The following PCGF6 variants were observed in gnomAD, a reference collection of about 807,000 sequenced individuals.
The protein encoded by PCGF6 is polycomb group ring finger 6, also known as polycomb group RING finger protein 6.
In PCGF6, 24 loss-of-function variants were observed where a neutral mutation model predicts 45.5. The observed-to-expected ratio is 0.53, with a 90% CI of 0.38 to 0.74. The LOEUF (loss-of-function observed/expected upper bound fraction) is 0.74, where lower values mean the gene tolerates loss of function less well. Among genes scored for constraint, PCGF6 ranks in the 30% least tolerant of loss-of-function variants. The probability of loss-of-function intolerance (pLI) is 0.00; values close to 1 mark genes in which losing one functional copy is unlikely to be tolerated. For missense variants in PCGF6, 356 were observed against 443.2 expected (o/e 0.80, Z 1.77); for synonymous variants, 152 against 162.1 (o/e 0.94, Z 0.47).
At chr10:103,344,449 T>G (rs2093292186) in intron 6 of PCGF6, among the ~76,000 whole-genome samples, 1 of 151,264 alleles carries the variant, frequency 6.6e-6, no homozygotes, top group Non-Finnish European at 1.5e-5. Context: ...TTTTTGTATT[T>G]TTAGTAGACA....
rs187545384 is a variant in PCGF6 at position 103,348,890 on chromosome 10, G to A, written c.460+10C>T. 1 of 1,606,354 alleles carries A rather than the reference G, an allele frequency of 6.2e-7. No homozygotes were observed. The highest frequency in any genetic ancestry group is 2.2e-5 in the East Asian group (1 of 44,836). ...GAAAAATTATTCAGAAATGTGATCG[G>A]TATGCTTACAGGTATGAAGACATTC... is the stretch of plus-strand genomic sequence containing the variant. On this transcript the variant is annotated intron_variant, in intron 2 of 9. Coordinates refer to ENST00000369847, the MANE Select transcript of PCGF6 (RefSeq NM_001011663.2).
Position 103,351,136 on chromosome 10 carries a change from C to G in PCGF6, c.-70G>C. ...GGAGTTCGGCCGGCCTCGGACGCCA[C>G]CACTGCGCAGGCGCGGCAGCCTGAG... On this transcript the variant is annotated 5_prime_UTR_variant, in exon 1 of 10. Coordinates refer to ENST00000369847, the MANE Select transcript of PCGF6 (RefSeq NM_001011663.2). The G allele has an allele frequency of 2.3e-6, 3 of 1,308,814 alleles. No homozygotes were observed. Among genetic ancestry groups the G allele is most frequent in the African/African-American group, 1.5e-5 (1 of 66,166 alleles). 81.1% of individuals were successfully genotyped at this position (1,308,814 alleles called of 1,614,324 possible).
chr10:103,339,996 T>C (rs2093274170), intron 6 of PCGF6, among the ~76,000 whole-genome samples: 1 of 88,960 alleles, frequency 1.1e-5, no homozygotes. Flanking sequence ...ACCCCGCCTC[T>C]ACTAAAAATA....
chr10:103,323,879 A>G (rs902943109), intron 8 of PCGF6, among the ~76,000 whole-genome samples: 5 of 151,340 alleles, frequency 3.3e-5, no homozygotes, highest in Admixed American at 2.6e-4. Context: ...GCCACTACAC[A>G]TGGCCAGTCA....
chr10:103,327,776 G>A (rs917491502), intron 7 of PCGF6, among the ~76,000 whole-genome samples: 4 of 151,630 alleles, frequency 2.6e-5, no homozygotes, highest in Admixed American at 2.0e-4. Context: ...CCGGGTTCAC[G>A]CTATTCTCCT....
intron 9 of PCGF6, among the ~76,000 whole-genome samples, chr10:103,306,324 G>A (rs887794148): frequency 3.3e-5 from 5 of 151,902 alleles, no homozygotes; most frequent in Non-Finnish European, 7.4e-5. Flanking sequence ...TCTTGAACTC[G>A]CGACCTCAGG....
chr10:103,344,022 C>A (rs956052675), intron 6 of PCGF6, among the ~76,000 whole-genome samples: 1 of 151,728 alleles, frequency 6.6e-6, no homozygotes, highest in African/African-American at 2.4e-5. Flanking sequence ...AATAAACCAA[C>A]AAACCTGGAA....
chr10:103,327,860 T>C (rs1021167082), intron 7 of PCGF6, among the ~76,000 whole-genome samples: 1 of 149,988 alleles, frequency 6.7e-6, no homozygotes, highest in African/African-American at 2.5e-5. Context: ...TTTTTTTTCA[T>C]TAGAGATAGG....
Position 103,333,964 on chromosome 10 carries a change from G to A in PCGF6, c.783-12C>T. On this transcript the variant is annotated splice_polypyrimidine_tract_variant and intron_variant, in intron 6 of 9. Transcript: ENST00000369847. ...TGCCTTCATTAGCACTGAAAAATGA[G>A]AGCAAAATTAATCAATATTTAATAC... 2 of 1,516,346 alleles carry A rather than the reference G, an allele frequency of 1.3e-6. No homozygotes were observed. Among genetic ancestry groups the A allele is most frequent in the South Asian group, 1.3e-5 (1 of 75,588 alleles). 93.9% of individuals were successfully genotyped at this position (1,516,346 alleles called of 1,614,324 possible).
In PCGF6 at chr10:103,338,058, C is replaced by T. The variant is rs1344304054; in HGVS notation, c.783-4106G>A. On this transcript the variant is annotated intron_variant, in intron 6 of 9. Coordinates refer to ENST00000369847, the MANE Select transcript of PCGF6 (RefSeq NM_001011663.2). ...CAGCCTGGGTGACAGAGCGAGACTC[C>T]GTCTCAAAAAAAAAAAAAAAAAAAA... Among the ~76,000 whole-genome samples, 4 of 33,400 alleles carry T rather than the reference C, an allele frequency of 1.2e-4. 1 individual carries two copies. Among genetic ancestry groups the T allele is most frequent in the South Asian group, 4.5e-3 (2 of 446 alleles). 21.9% of individuals were successfully genotyped at this position (33,400 alleles called of 152,430 possible).
At chr10:103,350,248 T>C (rs545302868) in intron 1 of PCGF6, among the ~76,000 whole-genome samples, 4 of 145,514 alleles carry the variant, frequency 2.7e-5, no homozygotes, top group Admixed American at 1.4e-4. Flanking sequence ...CCTGGGAACA[T>C]AGGGAGCCCT....
intron 3 of PCGF6, among the ~76,000 whole-genome samples, chr10:103,347,704 G>A (rs887009396): frequency 6.6e-6 from 1 of 152,096 alleles, no homozygotes; most frequent in Non-Finnish European, 1.5e-5. Flanking sequence ...TTGTGTGTGT[G>A]TGTGACAAGG....
chr10:103,331,739 G>A (rs1592068101), intron 7 of PCGF6, among the ~76,000 whole-genome samples: 1 of 152,034 alleles, frequency 6.6e-6, no homozygotes, highest in South Asian at 2.1e-4. Flanking sequence ...TTGCTATGTA[G>A]TTTTCCACTA....
At chr10:103,340,201 ATATAT>A (rs2093275898) in intron 6 of PCGF6, among the ~76,000 whole-genome samples, 7 of 91,242 alleles carry the variant, frequency 7.7e-5, no homozygotes, top group African/African-American at 2.2e-4. Flanking sequence ...AAAAAAAAAT[ATATAT>A]ATATATATAT....
intron 6 of PCGF6, among the ~76,000 whole-genome samples, chr10:103,339,813 ACACACACACACACACACAC>A (rs2093273148): frequency 1.2e-4 from 2 of 16,946 alleles, no homozygotes; most frequent in African/African-American, 2.2e-4. Flanking sequence ...AAAAAAAAAC[ACACACACACACACACACAC>A]ACACACACAC....
At chr10:103,327,236 G>C (rs2093222127) in intron 7 of PCGF6, among the ~76,000 whole-genome samples, 3 of 152,124 alleles carry the variant, frequency 2.0e-5, no homozygotes, top group Non-Finnish European at 4.4e-5. Flanking sequence ...AGAGAGCCAA[G>C]ATCGTGCCAT....
intron 9 of PCGF6, among the ~76,000 whole-genome samples, chr10:103,309,886 G>A (rs960928224): frequency 7.2e-5 from 11 of 152,236 alleles, no homozygotes; most frequent in African/African-American, 2.6e-4. Context: ...AGGCTACACT[G>A]AGCCATGATT....
In PCGF6 at chr10:103,315,093, T is replaced by C. The variant is rs116877190; in HGVS notation, c.910-821A>G. 1.3e-3 allele frequency among the ~76,000 whole-genome samples: 198 copies of C among 152,022 alleles called. 7 individuals are homozygous for C. The East Asian group carries it at 0.035, about 27-fold the overall frequency. ...TGCCACATAAATCATAGTACAACAC[T>C]GACTTGAAGTTCACACTAAGGAAAC... On this transcript the variant is annotated intron_variant, in intron 8 of 9. Transcript: ENST00000369847.
intron 9 of PCGF6, among the ~76,000 whole-genome samples, chr10:103,306,532 G>A (rs570523133): frequency 6.6e-6 from 1 of 152,178 alleles, no homozygotes; most frequent in Non-Finnish European, 1.5e-5. Flanking sequence ...CATATATCCT[G>A]TATTTCCAGT....
Sources: gnomAD v4.1 joint callset for allele counts (sites outside exome capture counted in the v4.1 genomes callset) on GRCh38, gnomAD v4.1.1 for gene constraint, MANE v1.5 for transcripts, NCBI Gene and HGNC (gene_info 2026-07-23, HGNC 2026-07-21) for gene names.